TRMT10B: variants seen among roughly 807,000 people sequenced by gnomAD.
TRMT10B encodes the protein tRNA methyltransferase 10B, also known as tRNA methyltransferase 10 homolog B.
A neutral mutation model predicts 43.8 loss-of-function variants in TRMT10B; 33 were observed. That is an observed-to-expected ratio of 0.75 (90% CI 0.57 to 1.01). The LOEUF (loss-of-function observed/expected upper bound fraction) is 1.01, where lower values mean the gene tolerates loss of function less well. Ranked by LOEUF, TRMT10B falls within the 50% of genes least tolerant of loss-of-function variation. The pLI, the probability that TRMT10B is intolerant of heterozygous loss-of-function variation, is 0.00. For synonymous variants in TRMT10B, 137 were observed against 130.6 expected, an observed-to-expected ratio of 1.05 and a Z score of -0.34; for missense variants, 362 against 369.8, an observed-to-expected ratio of 0.98 and a Z score of 0.17.
intron 7 of TRMT10B, among the ~76,000 whole-genome samples, chr9:37,771,777 T>C (rs1827608812): frequency 1.3e-5 from 2 of 152,238 alleles, no homozygotes; most frequent in South Asian, 4.1e-4. Flanking sequence ...CAGTAAAGCA[T>C]TCTGGTGGTC....
chr9:37,759,008 ATGG>A (rs1826007099), intron 1 of TRMT10B, among the ~76,000 whole-genome samples: 1 of 152,206 alleles, frequency 6.6e-6, no homozygotes, highest in Non-Finnish European at 1.5e-5. Flanking sequence ...GGGTCCCCAG[ATGG>A]TGGTGCTGTG....
chr9:37,777,194 CAAAAAAAAAAAAAAAAAAAAAAAAA>C (rs11306620), intron 8 of TRMT10B, among the ~76,000 whole-genome samples: 2 of 29,966 alleles, frequency 6.7e-5, no homozygotes, highest in African/African-American at 1.4e-4. Context: ...AACTCCGCCT[CAAAAAAAAAAAAAAAAAAAAAAAAA>C]AAAAAAAAAA....
At chr9:37,756,123 TTTA>T (rs1825649045) in intron 1 of TRMT10B, among the ~76,000 whole-genome samples, 2 of 152,186 alleles carry the variant, frequency 1.3e-5, no homozygotes, top group South Asian at 4.1e-4. Flanking sequence ...TGGTGGAATG[TTTA>T]TTAACTAATG....
chr9:37,768,523 G>A (rs375786365), intron 5 of TRMT10B, among the ~76,000 whole-genome samples: 1 of 152,158 alleles, frequency 6.6e-6, no homozygotes, highest in Admixed American at 6.5e-5. Context: ...CTCATTAATG[G>A]TGAATTGGGA....
rs1826445408 is a variant in TRMT10B, at chr9:37,762,395, C to G, written c.187-182C>G. 1.4e-5 allele frequency: 14 copies of G among 989,522 alleles called. No homozygotes were observed. The South Asian group carries it at 2.8e-4, about 20-fold the overall frequency. 61.3% of individuals were successfully genotyped at this position (989,522 alleles called of 1,614,324 possible). On this transcript the variant is annotated intron_variant, in intron 2 of 8. Coordinates refer to ENST00000297994, the MANE Select transcript of TRMT10B (RefSeq NM_144964.4). ...CTGTGACCTTGACCAGGTCATGTCTCTTTTTCTGGGGCTCTGTTTTCTCTA... is the reference window on the plus strand; with the variant it reads ...CTGTGACCTTGACCAGGTCATGTCTGTTTTTCTGGGGCTCTGTTTTCTCTA...
At chr9:37,770,651 T>C in intron 6 of TRMT10B, 21 bp from the exon 7 acceptor site, 1 of 1,607,278 alleles carries the variant, frequency 6.2e-7, no homozygotes, top group South Asian at 1.1e-5. Flanking sequence ...TTGATCTCAT[T>C]GGCCTTCATT....
At chr9:37,769,559 T>TAG (rs1341207413) in intron 5 of TRMT10B, 1 of 206,158 alleles carries the variant, frequency 4.9e-6, no homozygotes, top group Non-Finnish European at 1.0e-5. Context: ...TTGATAAACC[T>TAG]AGAGCCATGC....
chr9:37,762,023 G>C lies in TRMT10B; in HGVS notation c.92G>C (p.Gly31Ala). ...ATCCTAGAGGAGACAGGTGAAGATGGACTTCCTGAAGGCTTCCAGCTTCTG... is the reference window on the plus strand; with the variant it reads ...ATCCTAGAGGAGACAGGTGAAGATGCACTTCCTGAAGGCTTCCAGCTTCTG... ...EGILEETGED[G>A]LPEGFQLLQI... Residue 31 changes from glycine to alanine, a missense_variant, in exon 2 of 9, where the codon GGA (glycine) becomes GCA (alanine). Gly to Ala is a moderately conservative substitution (Grantham distance 60). Transcript: ENST00000297994. 6.2e-7 allele frequency: 1 copy of C among 1,614,136 alleles called. No homozygotes were observed.
At position 37,765,250 on chromosome 9, in the gene TRMT10B, C is replaced by T. The variant is rs564934022; in HGVS notation, c.420+1497C>T. ...CTCCTAATGCTGTCCTTCCCCCCGT[C>T]CCCCGACCCCACAACAGTCCCTGGT... On this transcript the variant is annotated intron_variant, in intron 4 of 8. Transcript: ENST00000297994. 2.0e-5 allele frequency among the ~76,000 whole-genome samples: 3 copies of T among 152,206 alleles called. No individual in the cohort carries two copies. The East Asian group carries it at 5.8e-4, about 29-fold the overall frequency.
At position 37,768,186 on chromosome 9, in the gene TRMT10B, T is replaced by C. The variant is rs774389854; in HGVS notation, c.531T>C (p.Tyr177=). The C allele has an allele frequency of 6.2e-6, 10 of 1,614,094 alleles. No individual in the cohort carries two copies. The East Asian group carries it at 2.0e-4, about 32-fold the overall frequency. The part of the protein sequence containing the change: ...LTGFTTDSPL[Y]EECVRMNDGF... ...GATTCACAACAGACAGTCCCCTTTA[T>C]GAAGAGTGTGTGAGGATGAATGATG... The change falls in exon 5 of 9, where the codon TAT becomes TAC. Residue 177 remains tyrosine, a synonymous_variant. Coordinates refer to ENST00000297994, the MANE Select transcript of TRMT10B (RefSeq NM_144964.4).
intron 1 of TRMT10B, among the ~76,000 whole-genome samples, chr9:37,756,442 C>G (rs1463060996): frequency 6.6e-6 from 1 of 151,484 alleles, no homozygotes; most frequent in Non-Finnish European, 1.5e-5. Flanking sequence ...TGCGGTGGCT[C>G]ACTCCTGTAA....
At chr9:37,773,822 G>T (rs1346148163) in intron 7 of TRMT10B, among the ~76,000 whole-genome samples, 1 of 151,996 alleles carries the variant, frequency 6.6e-6, no homozygotes, top group Non-Finnish European at 1.5e-5. Context: ...GACAGAGCGA[G>T]ACTCTGTTTC....
intron 1 of TRMT10B, among the ~76,000 whole-genome samples, chr9:37,754,515 A>G (rs1375825727): frequency 6.6e-6 from 1 of 152,112 alleles, no homozygotes; most frequent in African/African-American, 2.4e-5. Context: ...GCAGGGTTCT[A>G]AGCAGAAGAG....
chr9:37,767,513 C>A (rs3076729), intron 4 of TRMT10B: 50,356 of 79,788 alleles, frequency 0.63, 16,613 homozygotes, highest in Middle Eastern at 0.75. Context: ...ACCCTGTCTC[C>A]AAAAAAAAAA....
rs754459360 is a variant in TRMT10B, at chr9:37,776,409, C to T, written c.844+4C>T. On this transcript the variant is annotated splice_donor_region_variant and intron_variant, in intron 8 of 8. Transcript: ENST00000297994. Reference sequence around the variant, plus strand: ...GAGATACTGGCCATCAATCAAGGTACTTCTTACACGGCCCCCATCCAGGGT... The same window carrying T: ...GAGATACTGGCCATCAATCAAGGTATTTCTTACACGGCCCCCATCCAGGGT... 2 of 1,604,838 alleles carry T rather than the reference C, an allele frequency of 1.2e-6. No individual in the cohort carries two copies. The highest frequency in any genetic ancestry group is 1.1e-5 in the South Asian group (1 of 89,146).
chr9:37,765,301 A>C (rs1016408498), intron 4 of TRMT10B, among the ~76,000 whole-genome samples: 2 of 151,376 alleles, frequency 1.3e-5, no homozygotes, highest in Non-Finnish European at 2.9e-5. Context: ...TCCCGTGTCC[A>C]TGTGTTCTCA....
chr9:37,771,438 C>T (rs1033564523), intron 7 of TRMT10B, among the ~76,000 whole-genome samples: 11 of 146,000 alleles, frequency 7.5e-5, no homozygotes, highest in Non-Finnish European at 1.1e-4. Flanking sequence ...GTATATTTTA[C>T]ATATAGGTAG....
chr9:37,770,233 A>G (rs997078950), intron 6 of TRMT10B, among the ~76,000 whole-genome samples: 3 of 152,146 alleles, frequency 2.0e-5, no homozygotes, highest in Non-Finnish European at 2.9e-5. Flanking sequence ...TAGGGTTTCC[A>G]TCCTTATCTG....
At chr9:37,755,539 C>A (rs1417106907) in intron 1 of TRMT10B, among the ~76,000 whole-genome samples, 2 of 152,194 alleles carry the variant, frequency 1.3e-5, no homozygotes, top group Non-Finnish European at 2.9e-5. Context: ...GTGGCAATCA[C>A]CTAATCAGTA....
Sources: allele counts gnomAD v4.1 joint callset (sites outside exome capture counted in the v4.1 genomes callset), GRCh38; gene constraint gnomAD v4.1.1; transcripts MANE v1.5; gene names NCBI Gene and HGNC (gene_info 2026-07-23, HGNC 2026-07-21).